Variants in FAM76B observed in about 807,000 individuals in gnomAD.
FAM76B encodes family with sequence similarity 76 member B, also known as protein FAM76B.
In FAM76B, 16 loss-of-function variants were observed where a neutral mutation model predicts 51.8. That is an observed-to-expected ratio of 0.31 (90% CI 0.21 to 0.47). The LOEUF is 0.47. Among genes scored for constraint, FAM76B ranks in the 20% least tolerant of loss-of-function variants. The pLI, the probability that FAM76B is intolerant of heterozygous loss-of-function variation, is 1.00. For missense variants in FAM76B, 342 were observed against 392.6 expected (o/e 0.87, Z 1.09); for synonymous variants, 166 against 129.5 (o/e 1.28, Z -1.91).
At position 95,789,584 on chromosome 11, in the gene FAM76B, TC is replaced by T. The variant is rs947406404; in HGVS notation, c.-107del. 7.5e-6 allele frequency: 7 copies of T among 929,600 alleles called. No individual in the cohort carries two copies. In the African/African-American group the frequency reaches 8.8e-5, roughly 12 times the overall value. The allele number at this position is 929,600 out of a possible 1,614,324, so 57.6% of individuals were successfully genotyped here. A position where few individuals can be genotyped will look rare whatever the true frequency, so the allele number is the denominator to read the frequency against. ...GGCCGCGGGCTCCTCCTCCTCCCCCTCCCCCTGCCTCGCGCCCACCAGGGCC... is the reference window on the plus strand; with the variant it reads ...GGCCGCGGGCTCCTCCTCCTCCCCCTCCCCTGCCTCGCGCCCACCAGGGCC... On this transcript the variant is annotated 5_prime_UTR_variant, in exon 1 of 10. Transcript: ENST00000358780.
chr11:95,788,112 ACTC>A (rs1860704036), intron 2 of FAM76B, among the ~76,000 whole-genome samples: 1 of 151,976 alleles, frequency 6.6e-6, no homozygotes, highest in Non-Finnish European at 1.5e-5. Context: ...GTTACGTACT[ACTC>A]CTCTTCTATG....
At position 95,771,538 on chromosome 11, in the gene FAM76B, G is replaced by A. The variant is rs747681751; in HGVS notation, c.*23C>T. 6.3e-7 allele frequency: 1 copy of A among 1,580,698 alleles called. No individual in the cohort carries two copies. Among genetic ancestry groups the A allele is most frequent in the Admixed American group, 1.7e-5 (1 of 58,496 alleles). ...TTTCCCCAAATTTACATTGTAAGAA[G>A]AAATGCTAAACAAATGACTTTCTCA... On this transcript the variant is annotated 3_prime_UTR_variant, in exon 10 of 10. Transcript: ENST00000358780.
intron 2 of FAM76B, among the ~76,000 whole-genome samples, chr11:95,788,122 T>A (rs573477873): frequency 7.9e-5 from 12 of 152,364 alleles, no homozygotes; most frequent in African/African-American, 2.9e-4. Flanking sequence ...ACTCCTCTTC[T>A]ATGTAACAAA....
chr11:95,777,308 C>G lies in FAM76B; in HGVS notation c.829-1285G>C, dbSNP rs546026856. ...CCTTACAACAATGCTAATTTCAATCCCCATTAGTGTTGTGATTTTTTTAAA... is the reference window on the plus strand; with the variant it reads ...CCTTACAACAATGCTAATTTCAATCGCCATTAGTGTTGTGATTTTTTTAAA... On this transcript the variant is annotated intron_variant, in intron 8 of 9. Transcript: ENST00000358780. Among the ~76,000 whole-genome samples the G allele has an allele frequency of 1.9e-4, 29 of 151,254 alleles. 1 individual carries two copies. The highest frequency in any genetic ancestry group is 6.8e-4 in the African/African-American group (28 of 41,396).
intron 8 of FAM76B, among the ~76,000 whole-genome samples, chr11:95,776,283 A>G (rs1282419614): frequency 6.6e-6 from 1 of 151,468 alleles, no homozygotes; most frequent in Non-Finnish European, 1.5e-5. Context: ...ACATGGCTCG[A>G]CTGGAAATAG....
intron 5 of FAM76B, among the ~76,000 whole-genome samples, chr11:95,781,001 G>A (rs1029593609): frequency 1.0e-4 from 15 of 150,530 alleles, no homozygotes; most frequent in African/African-American, 3.2e-4. Flanking sequence ...GGAAAAAAAT[G>A]TTAATAGCAA....
Position 95,789,613 on chromosome 11 carries a change from G to A in FAM76B, c.-135C>T. ...CCTGCCTCGCGCCCACCAGGGCCTC[G>A]CCGCGAGAGCCCAGGGCCCCGCGGA... On this transcript the variant is annotated 5_prime_UTR_variant, in exon 1 of 10. Coordinates refer to ENST00000358780, the MANE Select transcript of FAM76B (RefSeq NM_144664.5). The A allele has an allele frequency of 4.5e-6, 3 of 667,126 alleles. No homozygotes were observed. The highest frequency in any genetic ancestry group is 7.2e-6 in the Non-Finnish European group (3 of 418,090). The allele number at this position is 667,126 out of a possible 1,614,324, so 41.3% of individuals were successfully genotyped here. A position where few individuals can be genotyped will look rare whatever the true frequency, so the allele number is the denominator to read the frequency against.
chr11:95,769,001 C>A lies in FAM76B; in HGVS notation c.*2560G>T, dbSNP rs1250735958. The A allele has an allele frequency of 6.6e-6, 1 of 152,266 alleles. No homozygotes were observed. The highest frequency in any genetic ancestry group is 1.5e-5 in the Non-Finnish European group (1 of 67,848). The allele number at this position is 152,266 out of a possible 1,614,324, so 9.4% of individuals were successfully genotyped here. On this transcript the variant is annotated 3_prime_UTR_variant, in exon 10 of 10. Transcript: ENST00000358780. ...GAAATATTGGATCTAGAAAAAAGTA[C>A]AAAATGTCAACAGTCAGATGTGTAC... is the stretch of plus-strand genomic sequence containing the variant.
intron 4 of FAM76B, among the ~76,000 whole-genome samples, chr11:95,784,891 G>A (rs1017231743): frequency 1.3e-4 from 20 of 152,036 alleles, no homozygotes; most frequent in African/African-American, 4.6e-4. Flanking sequence ...CTGGCCAATC[G>A]ACAGTATACA....
chr11:95,787,257 G>A (rs762118132), intron 3 of FAM76B, among the ~76,000 whole-genome samples: 70 of 151,214 alleles, frequency 4.6e-4, no homozygotes, highest in Non-Finnish European at 5.5e-4. Flanking sequence ...TTTTCGAGAC[G>A]CAGTCTCGCT....
At chr11:95,779,839 A>G in intron 6 of FAM76B, 40 bp downstream of exon 6, 1 of 1,582,908 alleles carries the variant, frequency 6.3e-7, no homozygotes, top group Non-Finnish European at 8.6e-7. Flanking sequence ...TTATAAATAT[A>G]CATTTCAAAA....
chr11:95,780,310 C>G (rs1351058012), intron 5 of FAM76B, among the ~76,000 whole-genome samples: 2 of 151,812 alleles, frequency 1.3e-5, no homozygotes, highest in East Asian at 3.9e-4. Flanking sequence ...TCCTAATAAT[C>G]TGAAGTAGAG....
intron 9 of FAM76B, chr11:95,775,708 TTC>T (rs1000718640): frequency 1.8e-5 from 6 of 324,820 alleles, no homozygotes; most frequent in African/African-American, 1.1e-4. Flanking sequence ...GGCAAAAGTT[TTC>T]AAGATTAAAG....
chr11:95,771,714 A>C (rs991711687), intron 9 of FAM76B, 64 bp from the exon 10 acceptor site: 22 of 1,259,908 alleles, frequency 1.7e-5, no homozygotes, highest in Middle Eastern at 1.9e-4. Flanking sequence ...ATGCTGAAGA[A>C]TACTACTTAT....
Position 95,789,548 on chromosome 11 carries a change from G to T in FAM76B, c.-70C>A. 2 of 1,426,530 alleles carry T rather than the reference G, an allele frequency of 1.4e-6. No homozygotes were observed. Among genetic ancestry groups the T allele is most frequent in the Non-Finnish European group, 9.5e-7 (1 of 1,054,704 alleles). The allele number at this position is 1,426,530 out of a possible 1,614,324, so 88.4% of individuals were successfully genotyped here. On this transcript the variant is annotated 5_prime_UTR_variant, in exon 1 of 10. Transcript: ENST00000358780. ...GGGCCCTACGGAGAACCCGAGAGCC[G>T]CCGCCGCCCGGGCCGCGGGCTCCTC...
At chr11:95,785,798 C>T (rs1860538745) in intron 4 of FAM76B, among the ~76,000 whole-genome samples, 1 of 152,156 alleles carries the variant, frequency 6.6e-6, no homozygotes, top group Non-Finnish European at 1.5e-5. Flanking sequence ...GTATTTTTTT[C>T]ACACCAGTGA....
intron 2 of FAM76B, 77 bp downstream of exon 2, chr11:95,788,422 C>T (rs1452905485): frequency 1.7e-6 from 2 of 1,164,250 alleles, no homozygotes; most frequent in Non-Finnish European, 1.3e-6. Context: ...TTCATAAAAA[C>T]ATGGGATTAC....
chr11:95,789,354 A>G, intron 1 of FAM76B, 38 bp downstream of exon 1: 17 of 1,558,888 alleles, frequency 1.1e-5, no homozygotes, highest in Non-Finnish European at 1.5e-5. Context: ...GCTACGGCCG[A>G]GGACACCCAT....
intron 4 of FAM76B, among the ~76,000 whole-genome samples, chr11:95,783,706 C>T (rs947692410): frequency 2.6e-5 from 4 of 152,168 alleles, no homozygotes; most frequent in African/African-American, 9.7e-5. Flanking sequence ...TCTCATTATT[C>T]TTGCATTTCC....
Sources: gnomAD v4.1 joint callset for allele counts (sites outside exome capture counted in the v4.1 genomes callset) on GRCh38, gnomAD v4.1.1 for gene constraint, MANE v1.5 for transcripts, NCBI Gene and HGNC (gene_info 2026-07-23, HGNC 2026-07-21) for gene names.